FAM193A: variants seen among roughly 807,000 people sequenced by gnomAD.
The protein encoded by FAM193A is family with sequence similarity 193 member A.
In FAM193A, 22 loss-of-function variants were observed where a neutral mutation model predicts 126.5. The observed-to-expected ratio is 0.17, with a 90% confidence interval of 0.12 to 0.25. The LOEUF is 0.25. Among genes scored for constraint, FAM193A ranks in the 10% least tolerant of loss-of-function variants. The probability of loss-of-function intolerance (pLI) is 1.00; values close to 1 mark genes in which losing one functional copy is unlikely to be tolerated. For missense variants in FAM193A, 1,675 were observed against 1,672.8 expected (o/e 1.00, Z -0.02); for synonymous variants, 761 against 646.8 (o/e 1.18, Z -2.68).
At position 2,709,088 on chromosome 4, in the gene FAM193A, CTT is replaced by C. The variant is rs1325592558; in HGVS notation, c.4373-6934_4373-6933del. On this transcript the variant is annotated intron_variant, in intron 19 of 20. Coordinates refer to ENST00000637812, the MANE Select transcript of FAM193A (RefSeq NM_001366318.2). Reference sequence around the variant, plus strand: ...AAAAAAATCCAGCGATTCCTCATCTCTTGAGTGTTTTTCATTAGGAATGGGTG... The same window carrying C: ...AAAAAAATCCAGCGATTCCTCATCTCGAGTGTTTTTCATTAGGAATGGGTG... Among the ~76,000 whole-genome samples the C allele has an allele frequency of 5.3e-5, 8 of 152,178 alleles. No individual in the cohort carries two copies. The East Asian group carries it at 1.5e-3, about 29-fold the overall frequency.
intron 19 of FAM193A, among the ~76,000 whole-genome samples, chr4:2,709,304 A>G (rs1407965296): frequency 6.6e-6 from 1 of 152,132 alleles, no homozygotes; most frequent in Non-Finnish European, 1.5e-5. Context: ...ACATTATTTA[A>G]TATATTTACA....
intron 1 of FAM193A, among the ~76,000 whole-genome samples, chr4:2,574,736 A>C (rs1162628500): frequency 6.6e-6 from 1 of 152,210 alleles, no homozygotes; most frequent in African/African-American, 2.4e-5. Flanking sequence ...AAATACTTAC[A>C]TGCATGGCAT....
At chr4:2,696,796 C>T (rs1245225890) in intron 18 of FAM193A, among the ~76,000 whole-genome samples, 2 of 152,186 alleles carry the variant, frequency 1.3e-5, no homozygotes, top group East Asian at 1.9e-4. Context: ...TTTGTGTTTT[C>T]GGGAAATTAC....
chr4:2,698,456 C>T lies in FAM193A; in HGVS notation c.3508-1224C>T, dbSNP rs1717295529. Among the ~76,000 whole-genome samples, 3 of 152,180 alleles carry T rather than the reference C, an allele frequency of 2.0e-5. No homozygotes were observed. The South Asian group carries it at 6.2e-4, about 31-fold the overall frequency. The stretch of plus-strand genomic sequence containing the variant: ...GCTGCTGGGTGCTGCTCCTGACATA[C>T]ACATGGAGAAGGATGTTAAATAATT... On this transcript the variant is annotated intron_variant, in intron 18 of 20. Transcript: ENST00000637812.
At chr4:2,642,416 C>T (rs895267320) in intron 6 of FAM193A, among the ~76,000 whole-genome samples, 2 of 152,176 alleles carry the variant, frequency 1.3e-5, no homozygotes, top group African/African-American at 4.8e-5. Flanking sequence ...CTTAGCCATT[C>T]CTTCCCTTCT....
At chr4:2,693,050 A>AT (rs11342315) in intron 15 of FAM193A, among the ~76,000 whole-genome samples, 148 of 147,074 alleles carry the variant, frequency 1.0e-3, no homozygotes, top group Admixed American at 2.4e-3. Flanking sequence ...GAAAAAGGTG[A>AT]TTTTTTTTTT....
At chr4:2,648,084 A>G (rs886976679) in intron 7 of FAM193A, among the ~76,000 whole-genome samples, 1 of 151,668 alleles carries the variant, frequency 6.6e-6, no homozygotes, top group African/African-American at 2.4e-5. Context: ...AGAGCTACAA[A>G]TGGTCTGTTG....
At chr4:2,619,246 A>G (rs1237252324) in intron 2 of FAM193A, among the ~76,000 whole-genome samples, 1 of 151,560 alleles carries the variant, frequency 6.6e-6, no homozygotes, top group Non-Finnish European at 1.5e-5. Flanking sequence ...ATAATTGCCA[A>G]TTTCAGATTC....
intron 19 of FAM193A, among the ~76,000 whole-genome samples, chr4:2,701,212 T>G (rs1426701927): frequency 6.6e-6 from 1 of 151,806 alleles, no homozygotes; most frequent in East Asian, 1.9e-4. Context: ...AAGTTGACAC[T>G]GATCCAATGC....
At chr4:2,635,004 A>G (rs1413835690) in intron 5 of FAM193A, among the ~76,000 whole-genome samples, 1 of 152,132 alleles carries the variant, frequency 6.6e-6, no homozygotes, top group Non-Finnish European at 1.5e-5. Flanking sequence ...GTATTTTAGT[A>G]TGGGTCCCAG....
chr4:2,636,018 C>T (rs1450515997), intron 5 of FAM193A, among the ~76,000 whole-genome samples: 12 of 135,368 alleles, frequency 8.9e-5, no homozygotes, highest in South Asian at 2.2e-4. Context: ...TTTTTTGAGA[C>T]GGAGTCTTAG....
At chr4:2,671,811 A>G (rs1305273460) in intron 12 of FAM193A, among the ~76,000 whole-genome samples, 1 of 152,218 alleles carries the variant, frequency 6.6e-6, no homozygotes, top group Non-Finnish European at 1.5e-5. Flanking sequence ...CGTCTTCACT[A>G]GTTCCCTTGT....
intron 12 of FAM193A, among the ~76,000 whole-genome samples, chr4:2,670,109 A>C (rs1472755260): frequency 6.6e-6 from 1 of 152,032 alleles, no homozygotes; most frequent in East Asian, 1.9e-4. Flanking sequence ...CAGGCCTCTG[A>C]GCGTCTGCAT....
At chr4:2,699,448 AC>A (rs1717436409) in intron 18 of FAM193A, among the ~76,000 whole-genome samples, 3 of 49,700 alleles carry the variant, frequency 6.0e-5, no homozygotes, top group South Asian at 1.7e-3. Flanking sequence ...CCCCCCCCCC[AC>A]ACACACACAC....
At chr4:2,563,361 C>G (rs902689687) in intron 1 of FAM193A, among the ~76,000 whole-genome samples, 2 of 152,164 alleles carry the variant, frequency 1.3e-5, no homozygotes, top group African/African-American at 2.4e-5. Flanking sequence ...TTAATGAGCA[C>G]TCAGTCAGTA....
At chr4:2,701,069 C>T (rs1336546924) in intron 19 of FAM193A, among the ~76,000 whole-genome samples, 1 of 151,998 alleles carries the variant, frequency 6.6e-6, no homozygotes, top group Non-Finnish European at 1.5e-5. Flanking sequence ...CTCTCTCTCC[C>T]TCTCTCTCTT....
intron 1 of FAM193A, among the ~76,000 whole-genome samples, chr4:2,566,999 G>A (rs1194134592): frequency 2.0e-5 from 3 of 151,108 alleles, no homozygotes; most frequent in Admixed American, 2.0e-4. Context: ...GAATGCAGTG[G>A]CACAATCTCG....
chr4:2,657,708 C>A (rs1327992689), intron 7 of FAM193A, 95 bp from the exon 8 acceptor site: 4 of 744,552 alleles, frequency 5.4e-6, no homozygotes, highest in South Asian at 1.7e-5. Flanking sequence ...TCATATATAT[C>A]ATTTTAAGAA....
At chr4:2,722,005 C>T (rs1049003786) in intron 20 of FAM193A, among the ~76,000 whole-genome samples, 2 of 152,194 alleles carry the variant, frequency 1.3e-5, no homozygotes, top group African/African-American at 4.8e-5. Context: ...TATGAGGCCA[C>T]ACAGCACAAC....
Sources: gnomAD v4.1 joint callset for allele counts (sites outside exome capture counted in the v4.1 genomes callset) on GRCh38, gnomAD v4.1.1 for gene constraint, MANE v1.5 for transcripts, NCBI Gene and HGNC (gene_info 2026-07-23, HGNC 2026-07-21) for gene names.